Variants in CGNL1 observed in about 807,000 individuals in gnomAD.
CGNL1 encodes cingulin like 1.
CGNL1 carries 132 observed loss-of-function variants against 141.2 expected under a neutral mutation model. The observed-to-expected ratio is 0.93, with a 90% CI of 0.81 to 1.08. The LOEUF is 1.08. Ranked by LOEUF, CGNL1 falls within the 50% of genes least tolerant of loss-of-function variation. The pLI is 0.00. For synonymous variants in CGNL1, 690 were observed against 622.1 expected, an observed-to-expected ratio of 1.11 and a Z score of -1.63; for missense variants, 1,870 against 1,588.6, an observed-to-expected ratio of 1.18 and a Z score of -3.01.
chr15:57,385,396 G>A (rs543655138), intron 1 of CGNL1, among the ~76,000 whole-genome samples: 2 of 152,314 alleles, frequency 1.3e-5, no homozygotes, highest in South Asian at 2.1e-4. Flanking sequence ...TTAGCTGGGC[G>A]TGGGGGCGCA....
In CGNL1 at chr15:57,383,292, C is replaced by CTTTTTTTTTT. The variant is rs59213732; in HGVS notation, c.-16+6729_-16+6738dup. ...TAACAAACTTAAGATTTCTTTCTTC[C>CTTTTTTTTTT]TTTTTTTTTTTTTGTTTTTTTGATA... is the stretch of plus-strand genomic sequence containing the variant. On this transcript the variant is annotated intron_variant, in intron 1 of 18. Coordinates refer to ENST00000281282, the MANE Select transcript of CGNL1 (RefSeq NM_032866.5). Among the ~76,000 whole-genome samples the CTTTTTTTTTT allele has an allele frequency of 7.3e-4, 80 of 109,590 alleles. 2 individuals are homozygous for CTTTTTTTTTT. Among genetic ancestry groups the CTTTTTTTTTT allele is most frequent in the Middle Eastern group, 4.6e-3 (1 of 216 alleles). 71.9% of individuals were successfully genotyped at this position (109,590 alleles called of 152,430 possible). A position where few individuals can be genotyped will look rare whatever the true frequency, so the allele number is the denominator to read the frequency against.
At chr15:57,454,296 T>C (rs1398553193) in intron 7 of CGNL1, among the ~76,000 whole-genome samples, 1 of 152,106 alleles carries the variant, frequency 6.6e-6, no homozygotes, top group Non-Finnish European at 1.5e-5. Context: ...GATAAACAAT[T>C]TAGAACAAAG....
chr15:57,544,581 C>A lies in CGNL1; in HGVS notation c.3484C>A (p.Leu1162Met), dbSNP rs1158136936. The A allele has an allele frequency of 5.0e-6, 8 of 1,587,454 alleles. No individual in the cohort carries two copies. The highest frequency in any genetic ancestry group is 1.3e-5 in the African/African-American group (1 of 74,682). Residue 1162 changes from leucine (L) to methionine (M), a missense_variant, in exon 16 of 19, where the codon CTG becomes ATG. Leu to Met is a conservative substitution (Grantham distance 15). Transcript: ENST00000281282. ...EARIAELEDRLESEERDRANL... is the reference protein window; with the variant it reads ...EARIAELEDRMESEERDRANL... ...CAGGATCGCGGAGCTGGAGGACCGCCTGGAGAGTGAGGAGAGGTGAGCCGG... is the reference window on the plus strand; with the variant it reads ...CAGGATCGCGGAGCTGGAGGACCGCATGGAGAGTGAGGAGAGGTGAGCCGG...
intron 7 of CGNL1, among the ~76,000 whole-genome samples, chr15:57,459,850 A>G (rs774922321): frequency 1.6e-4 from 24 of 152,156 alleles, no homozygotes; most frequent in Non-Finnish European, 2.9e-4. Flanking sequence ...GAGCATGATG[A>G]ATTCTCTTGA....
intron 6 of CGNL1, among the ~76,000 whole-genome samples, chr15:57,452,637 T>A (rs750337518): frequency 6.6e-6 from 1 of 152,134 alleles, no homozygotes; most frequent in Non-Finnish European, 1.5e-5. Flanking sequence ...CTAAAAAGCA[T>A]GTGTTACGTG....
intron 8 of CGNL1, among the ~76,000 whole-genome samples, chr15:57,473,654 T>G (rs1288964625): frequency 6.6e-6 from 1 of 152,170 alleles, no homozygotes; most frequent in Non-Finnish European, 1.5e-5. Context: ...GATCTCTTGC[T>G]GTGGAGGAAG....
intron 14 of CGNL1, among the ~76,000 whole-genome samples, chr15:57,540,987 G>A (rs2032533628): frequency 6.6e-6 from 1 of 152,224 alleles, no homozygotes; most frequent in Non-Finnish European, 1.5e-5. Flanking sequence ...TCTGCCTAAG[G>A]ATGGAGGCAG....
At chr15:57,481,329 C>A (rs1311597634) in intron 8 of CGNL1, among the ~76,000 whole-genome samples, 1 of 152,080 alleles carries the variant, frequency 6.6e-6, no homozygotes, top group South Asian at 2.1e-4. Context: ...CCTTTTATAG[C>A]CATGCCATCT....
rs1332644433 is a variant in CGNL1 at position 57,548,351 on chromosome 15, G to A, written c.*861G>A. 5.3e-4 allele frequency: 80 copies of A among 152,098 alleles called. 1 individual carries two copies. The highest frequency in any genetic ancestry group is 1.5e-5 in the Non-Finnish European group (1 of 68,024). 9.4% of individuals were successfully genotyped at this position (152,098 alleles called of 1,614,324 possible). A position where few individuals can be genotyped will look rare whatever the true frequency, so the allele number is the denominator to read the frequency against. ...AAGCTATTAGATTTTAAGTGTTGAGGAGCAGAGGTGAGAAGAGAGAGAGAG... is the reference window on the plus strand; with the variant it reads ...AAGCTATTAGATTTTAAGTGTTGAGAAGCAGAGGTGAGAAGAGAGAGAGAG... On this transcript the variant is annotated 3_prime_UTR_variant, in exon 19 of 19. Coordinates refer to ENST00000281282, the MANE Select transcript of CGNL1 (RefSeq NM_032866.5).
At chr15:57,454,941 C>A (rs539301562) in intron 7 of CGNL1, among the ~76,000 whole-genome samples, 1 of 152,084 alleles carries the variant, frequency 6.6e-6, no homozygotes, top group African/African-American at 2.4e-5. Flanking sequence ...TTTCCTAATA[C>A]CTGAGCAGCC....
intron 8 of CGNL1, among the ~76,000 whole-genome samples, chr15:57,507,490 T>C (rs2064118820): frequency 6.6e-6 from 1 of 152,238 alleles, no homozygotes; most frequent in African/African-American, 2.4e-5. Flanking sequence ...ATTTTTAACC[T>C]ATGTAATCAC....
At chr15:57,394,103 T>TTTATTTC (rs573432369) in intron 1 of CGNL1, 1 of 52,654 alleles carries the variant, frequency 1.9e-5, no homozygotes, top group Non-Finnish European at 4.6e-5. Flanking sequence ...TAATTTCTGT[T>TTTATTTC]TGTTTTTTTT....
At chr15:57,477,828 C>T (rs1233854814) in intron 8 of CGNL1, among the ~76,000 whole-genome samples, 1 of 152,156 alleles carries the variant, frequency 6.6e-6, no homozygotes, top group Admixed American at 6.5e-5. Flanking sequence ...AGTGACCCTT[C>T]AGGCCAGAAG....
intron 1 of CGNL1, among the ~76,000 whole-genome samples, chr15:57,418,720 G>A (rs1664436): frequency 1.3e-5 from 2 of 151,976 alleles, no homozygotes; most frequent in African/African-American, 2.4e-5. Context: ...GTGTGTTCAC[G>A]GGCCCAGGGA....
intron 8 of CGNL1, among the ~76,000 whole-genome samples, chr15:57,504,057 A>G (rs1212713497): frequency 6.6e-6 from 1 of 152,152 alleles, no homozygotes. Flanking sequence ...TTGCTCTTCC[A>G]GTTTACAGAG....
intron 6 of CGNL1, among the ~76,000 whole-genome samples, 153 bp downstream of exon 6, chr15:57,452,442 A>G (rs955026597): frequency 6.6e-6 from 1 of 152,204 alleles, no homozygotes. Context: ...TAAAATTATG[A>G]AGCTGGCGAC....
intron 1 of CGNL1, among the ~76,000 whole-genome samples, chr15:57,427,571 C>G (rs1567110026): frequency 6.6e-6 from 1 of 152,212 alleles, no homozygotes; most frequent in Admixed American, 6.5e-5. Flanking sequence ...TCACCCCTTT[C>G]CCTGATGAGG....
At chr15:57,464,761 T>G (rs565535422) in intron 8 of CGNL1, among the ~76,000 whole-genome samples, 1 of 149,630 alleles carries the variant, frequency 6.7e-6, no homozygotes, top group Non-Finnish European at 1.5e-5. Flanking sequence ...CCTTCTTTTT[T>G]TTTTTTGAGA....
intron 17 of CGNL1, 42 bp downstream of exon 17, chr15:57,545,742 G>C (rs375340734): frequency 3.9e-6 from 6 of 1,521,240 alleles, no homozygotes; most frequent in East Asian, 4.6e-5. Flanking sequence ...ATGAGATTGC[G>C]TGTCTCAGGC....
Sources: allele counts gnomAD v4.1 joint callset (sites outside exome capture counted in the v4.1 genomes callset), GRCh38; gene constraint gnomAD v4.1.1; transcripts MANE v1.5; gene names NCBI Gene and HGNC (gene_info 2026-07-23, HGNC 2026-07-21).